The following TNFSF13B variants were observed in gnomAD, a reference collection of about 807,000 sequenced individuals.
The protein encoded by TNFSF13B is TNF superfamily member 13b, also known as tumor necrosis factor ligand superfamily member 13B.
Under a neutral mutation model 29.1 loss-of-function variants are expected in TNFSF13B, and 8 were observed. That is an observed-to-expected ratio of 0.27 (90% CI 0.16 to 0.50). The LOEUF is 0.50. Ranked by LOEUF, TNFSF13B falls within the 20% of genes least tolerant of loss-of-function variation. The probability of loss-of-function intolerance (pLI) is 0.98; values close to 1 mark genes in which losing one functional copy is unlikely to be tolerated. For missense variants in TNFSF13B, 248 were observed against 334.9 expected, an observed-to-expected ratio of 0.74 and a Z score of 2.03; for synonymous variants, 125 against 130.8, an observed-to-expected ratio of 0.96 and a Z score of 0.30.
chr13:108,292,538 C>T (rs907540234), intron 3 of TNFSF13B, among the ~76,000 whole-genome samples: 1 of 152,062 alleles, frequency 6.6e-6, no homozygotes, highest in Non-Finnish European at 1.5e-5. Flanking sequence ...AACATTTTGC[C>T]TTCCCCCCAG....
At chr13:108,300,017 A>G (rs1881569117) in intron 3 of TNFSF13B, among the ~76,000 whole-genome samples, 1 of 152,168 alleles carries the variant, frequency 6.6e-6, no homozygotes, top group Non-Finnish European at 1.5e-5. Context: ...AATGTAAAAA[A>G]TCTAACAAAT....
At chr13:108,296,477 C>A (rs1881461768) in intron 3 of TNFSF13B, among the ~76,000 whole-genome samples, 1 of 145,244 alleles carries the variant, frequency 6.9e-6, no homozygotes, top group African/African-American at 2.6e-5. Flanking sequence ...ACACAAAAAC[C>A]TGTTTGTGTT....
intron 3 of TNFSF13B, among the ~76,000 whole-genome samples, chr13:108,291,056 A>G (rs546603722): frequency 6.6e-6 from 1 of 151,720 alleles, no homozygotes; most frequent in African/African-American, 2.4e-5. Flanking sequence ...TGTTTAGTCT[A>G]TGTTTTTTTC....
rs1235737107 is a variant in TNFSF13B at position 108,307,208 on chromosome 13, A to T, written c.*270A>T. ...TAGAACTAGAAAGGCTTTTCATTAT[A>T]ATTCCATGTTGAACAATTGAGTCAT... On this transcript the variant is annotated 3_prime_UTR_variant, in exon 6 of 6. Coordinates refer to ENST00000375887, the MANE Select transcript of TNFSF13B (RefSeq NM_006573.5). The T allele has an allele frequency of 1.3e-5, 4 of 302,578 alleles. No homozygotes were observed. The East Asian group carries it at 3.3e-4, about 25-fold the overall frequency. 18.7% of individuals were successfully genotyped at this position (302,578 alleles called of 1,614,324 possible).
intron 2 of TNFSF13B, among the ~76,000 whole-genome samples, chr13:108,285,493 C>T (rs1487200152): frequency 6.6e-6 from 1 of 152,128 alleles, no homozygotes; most frequent in Non-Finnish European, 1.5e-5. Context: ...CCAACTTGTA[C>T]AGCATGTTAC....
rs546354660 is a variant in TNFSF13B, at chr13:108,270,197, G to A, written c.302G>A (p.Gly101Asp). Residue 101 changes from glycine (G) to aspartate (D), a missense_variant, in exon 1 of 6, where the codon GGC becomes GAC. Coordinates refer to ENST00000375887, the MANE Select transcript of TNFSF13B (RefSeq NM_006573.5). ...GCAGGAGCAGGAGCCCCCAAGGCCGGCCTGGAGGAAGCTCCAGCTGTCACC... is the reference window on the plus strand; with the variant it reads ...GCAGGAGCAGGAGCCCCCAAGGCCGACCTGGAGGAAGCTCCAGCTGTCACC... ...LPAGAGAPKAGLEEAPAVTAG... is the reference protein window; with the variant it reads ...LPAGAGAPKADLEEAPAVTAG... 13 of 1,602,332 alleles carry A rather than the reference G, an allele frequency of 8.1e-6. No homozygotes were observed. In the South Asian group the frequency reaches 1.3e-4, roughly 16 times the overall value.
chr13:108,292,825 C>A (rs1881359272), intron 3 of TNFSF13B, among the ~76,000 whole-genome samples: 1 of 152,200 alleles, frequency 6.6e-6, no homozygotes, highest in East Asian at 1.9e-4. Context: ...GGATACAAGA[C>A]CCTTATCAAA....
chr13:108,269,790 C>A lies in TNFSF13B; in HGVS notation c.-106C>A. On this transcript the variant is annotated 5_prime_UTR_variant, in exon 1 of 6. Coordinates refer to ENST00000375887, the MANE Select transcript of TNFSF13B (RefSeq NM_006573.5). ...CTCCTGAGGGGTGAGCCAAGCCCTG[C>A]CATGTAGTGCACGCAGGACATCAAC... 9.1e-7 allele frequency: 1 copy of A among 1,095,824 alleles called. No individual in the cohort carries two copies. The highest frequency in any genetic ancestry group is 1.3e-6 in the Non-Finnish European group (1 of 762,184). 67.9% of individuals were successfully genotyped at this position (1,095,824 alleles called of 1,614,324 possible). A position where few individuals can be genotyped will look rare whatever the true frequency, so the allele number is the denominator to read the frequency against.
In TNFSF13B at chr13:108,303,359, T is replaced by C; in HGVS notation, c.588T>C (p.Tyr196=). ...AAGAAACTGGTTACTTTTTTATATA[T>C]GGTCAGGTAGGTTGAAACCCTAATT... ...LVKETGYFFI[Y]GQVLYTDKTY... is the part of the protein sequence containing the mutation. Residue 196 remains tyrosine (Y), a synonymous_variant, in exon 4 of 6, where the codon TAT becomes TAC. Transcript: ENST00000375887. 2 of 1,612,220 alleles carry C rather than the reference T, an allele frequency of 1.2e-6. No homozygotes were observed. The highest frequency in any genetic ancestry group is 1.7e-6 in the Non-Finnish European group (2 of 1,178,810).
chr13:108,276,310 T>A (rs1404746216), intron 2 of TNFSF13B, among the ~76,000 whole-genome samples: 1 of 152,200 alleles, frequency 6.6e-6, no homozygotes, highest in Non-Finnish European at 1.5e-5. Flanking sequence ...ATTTTTTCTT[T>A]CCCCCTGCTT....
chr13:108,281,916 G>GTT (rs373774556), intron 2 of TNFSF13B, among the ~76,000 whole-genome samples: 1 of 147,052 alleles, frequency 6.8e-6, no homozygotes, highest in African/African-American at 2.5e-5. Context: ...ATCTTTAAGT[G>GTT]TTTTTTTTTT....
intron 2 of TNFSF13B, among the ~76,000 whole-genome samples, chr13:108,276,266 AG>A (rs2139043045): frequency 6.6e-6 from 1 of 152,328 alleles, no homozygotes; most frequent in Non-Finnish European, 1.5e-5. Flanking sequence ...GCTGCTGCTT[AG>A]GCGATCTTTG....
intron 5 of TNFSF13B, among the ~76,000 whole-genome samples, 183 bp downstream of exon 5, chr13:108,303,787 G>C (rs1332956548): frequency 6.6e-6 from 1 of 152,142 alleles, no homozygotes; most frequent in African/African-American, 2.4e-5. Flanking sequence ...AATTGAGAAA[G>C]ATGGAATTAT....
At chr13:108,277,654 A>G (rs1880798442) in intron 2 of TNFSF13B, among the ~76,000 whole-genome samples, 1 of 152,320 alleles carries the variant, frequency 6.6e-6, no homozygotes, top group Middle Eastern at 3.4e-3. Flanking sequence ...CAGGGCTGCT[A>G]GTTGCCCATT....
chr13:108,307,061 C>A lies in TNFSF13B; in HGVS notation c.*123C>A. 3.1e-6 allele frequency: 2 copies of A among 638,538 alleles called. No homozygotes were observed. The highest frequency in any genetic ancestry group is 4.2e-4 in the Middle Eastern group (1 of 2,408). 39.6% of individuals were successfully genotyped at this position (638,538 alleles called of 1,614,324 possible). A position where few individuals can be genotyped will look rare whatever the true frequency, so the allele number is the denominator to read the frequency against. On this transcript the variant is annotated 3_prime_UTR_variant, in exon 6 of 6. Coordinates refer to ENST00000375887, the MANE Select transcript of TNFSF13B (RefSeq NM_006573.5). ...AAAAAAAAAAAAGTAGTTACCATTG[C>A]CTTTTCTGTGAGCTATTTGTTTTGG...
chr13:108,269,792 A>G lies in TNFSF13B; in HGVS notation c.-104A>G. The G allele has an allele frequency of 4.5e-6, 5 of 1,101,608 alleles. No individual in the cohort carries two copies. Among genetic ancestry groups the G allele is most frequent in the Non-Finnish European group, 6.5e-6 (5 of 766,698 alleles). The allele number at this position is 1,101,608 out of a possible 1,614,324, so 68.2% of individuals were successfully genotyped here. On this transcript the variant is annotated 5_prime_UTR_variant, in exon 1 of 6. An upstream start codon of the reference 5' UTR is lost. Coordinates refer to ENST00000375887, the MANE Select transcript of TNFSF13B (RefSeq NM_006573.5). Reference sequence around the variant, plus strand: ...CCTGAGGGGTGAGCCAAGCCCTGCCATGTAGTGCACGCAGGACATCAACAA... The same window carrying G: ...CCTGAGGGGTGAGCCAAGCCCTGCCGTGTAGTGCACGCAGGACATCAACAA...
At chr13:108,298,889 C>T (rs1456485072) in intron 3 of TNFSF13B, among the ~76,000 whole-genome samples, 5 of 145,416 alleles carry the variant, frequency 3.4e-5, no homozygotes, top group East Asian at 1.9e-4. Context: ...GAGAATCACT[C>T]GAACCCCAGA....
chr13:108,298,057 G>T (rs903916225), intron 3 of TNFSF13B, among the ~76,000 whole-genome samples: 1 of 145,580 alleles, frequency 6.9e-6, no homozygotes, highest in African/African-American at 2.6e-5. Flanking sequence ...CATGTTGTTG[G>T]AATTGCACAG....
rs551738781 is a variant in TNFSF13B, at chr13:108,270,491, T to A, written c.424+67T>A. 1.9e-4 allele frequency: 264 copies of A among 1,426,794 alleles called. 2 individuals are homozygous for A. The highest frequency in any genetic ancestry group is 2.0e-5 in the Non-Finnish European group (20 of 1,014,246). The allele number at this position is 1,426,794 out of a possible 1,614,324, so 88.4% of individuals were successfully genotyped here. ...AGAATAACATCCAGTCTGGGGGAGC[T>A]GGAGGTGAGTATCCCCTCTATGAAC... On this transcript the variant is annotated intron_variant, in intron 2 of 5. Coordinates refer to ENST00000375887, the MANE Select transcript of TNFSF13B (RefSeq NM_006573.5).
Sources: allele counts gnomAD v4.1 joint callset (sites outside exome capture counted in the v4.1 genomes callset), GRCh38; gene constraint gnomAD v4.1.1; transcripts MANE v1.5; gene names NCBI Gene and HGNC (gene_info 2026-07-23, HGNC 2026-07-21).